Variants in WDR48 observed in about 807,000 individuals in gnomAD.
WDR48 encodes the protein WD repeat-containing protein 48.
In WDR48, 22 loss-of-function variants were observed where a neutral mutation model predicts 94.0. That is an observed-to-expected ratio of 0.23 (90% CI 0.17 to 0.33). The LOEUF (loss-of-function observed/expected upper bound fraction) is 0.33, where lower values mean the gene tolerates loss of function less well. WDR48 is among the 10% of genes least tolerant of loss of function. The pLI is 1.00. For missense variants in WDR48, 541 were observed against 813.8 expected (o/e 0.66, Z 4.08); for synonymous variants, 278 against 280.5 (o/e 0.99, Z 0.09).
chr3:39,090,157 T>G (rs546145364), intron 16 of WDR48: 1 of 152,362 alleles, frequency 6.6e-6, no homozygotes, highest in East Asian at 1.9e-4. Flanking sequence ...TGGATACTTC[T>G]AATCTTTGCT....
At chr3:39,066,172 A>G (rs1262912702) in intron 3 of WDR48, among the ~76,000 whole-genome samples, 1 of 151,816 alleles carries the variant, frequency 6.6e-6, no homozygotes, top group Non-Finnish European at 1.5e-5. Context: ...CTGTATATAG[A>G]CTCGTACTAT....
At chr3:39,078,846 C>T (rs931350953) in intron 10 of WDR48, among the ~76,000 whole-genome samples, 7 of 151,502 alleles carry the variant, frequency 4.6e-5, no homozygotes, top group Non-Finnish European at 8.9e-5. Flanking sequence ...CCGGCTAAAA[C>T]GGTGAAACCC....
In WDR48 at chr3:39,093,857, C is replaced by A; in HGVS notation, c.1746-17C>A. The A allele has an allele frequency of 6.6e-7, 1 of 1,521,650 alleles. No homozygotes were observed. 94.3% of individuals were successfully genotyped at this position (1,521,650 alleles called of 1,614,324 possible). A position where few individuals can be genotyped will look rare whatever the true frequency, so the allele number is the denominator to read the frequency against. ...GTGATTTCCCTGATGTCACAATATG[C>A]CATTGCTTTTTTACAGAGATAGACT... On this transcript the variant is annotated splice_polypyrimidine_tract_variant and intron_variant, in intron 17 of 18. Coordinates refer to ENST00000302313, the MANE Select transcript of WDR48 (RefSeq NM_020839.4).
Position 39,066,628 on chromosome 3 carries a change from A to G in WDR48, c.349A>G (p.Lys117Glu). 6.2e-7 allele frequency: 1 copy of G among 1,613,844 alleles called. No homozygotes were observed. The highest frequency in any genetic ancestry group is 8.5e-7 in the Non-Finnish European group (1 of 1,179,866). The change falls in exon 4 of 19, where the codon AAG becomes GAG. Residue 117 changes from lysine to glutamate, a missense_variant and splice_region_variant. Lys to Glu is a moderately conservative substitution (Grantham distance 56). Around this residue, in one of 5 missense-constraint regions of WDR48, gnomAD observed 104 missense variants for 189.7 expected, o/e 0.55. Transcript: ENST00000302313. Reference sequence around the variant, plus strand: ...TTGCATGTCAACATTAAGGACACATAAGGTAAAACAATACAGTTCTCAGTG... The same window carrying G: ...TTGCATGTCAACATTAAGGACACATGAGGTAAAACAATACAGTTCTCAGTG... ...GFCMSTLRTH[K>E]DYVKALAYAK... is the part of the protein sequence containing the mutation.
intron 1 of WDR48, among the ~76,000 whole-genome samples, chr3:39,057,263 G>A (rs545249600): frequency 5.9e-5 from 9 of 152,302 alleles, no homozygotes; most frequent in African/African-American, 2.2e-4. Context: ...ACAGTAGCAT[G>A]AGTAAATCGA....
chr3:39,077,053 G>A, intron 8 of WDR48, 86 bp from the exon 9 acceptor site: 6 of 1,435,034 alleles, frequency 4.2e-6, no homozygotes, highest in Non-Finnish European at 5.9e-6. Flanking sequence ...GTTGAATGAA[G>A]GAGTTGATAT....
At position 39,087,939 on chromosome 3, in the gene WDR48, G is replaced by A. The variant is rs2125680800; in HGVS notation, c.1475-189G>A. 5.3e-6 allele frequency: 3 copies of A among 566,192 alleles called. No individual in the cohort carries two copies. In the South Asian group the frequency reaches 6.6e-5, roughly 13 times the overall value. The allele number at this position is 566,192 out of a possible 1,614,324, so 35.1% of individuals were successfully genotyped here. A position where few individuals can be genotyped will look rare whatever the true frequency, so the allele number is the denominator to read the frequency against. ...ATACAGTCATTTTTTCCATGAAATA[G>A]ACCACAAGTTGCTGTGTTTCTTATT... is the stretch of plus-strand genomic sequence containing the variant. On this transcript the variant is annotated intron_variant, in intron 14 of 18. Coordinates refer to ENST00000302313, the MANE Select transcript of WDR48 (RefSeq NM_020839.4).
intron 1 of WDR48, among the ~76,000 whole-genome samples, chr3:39,058,710 G>T (rs6769051): frequency 0.51 from 77,156 of 151,910 alleles, 22,877 homozygotes; most frequent in African/African-American, 0.84. Flanking sequence ...GGGGGCACAG[G>T]GGTGGAAGGA....
At chr3:39,089,057 T>C (rs576215672) in intron 15 of WDR48, among the ~76,000 whole-genome samples, 174 bp from the exon 16 acceptor site, 4 of 152,334 alleles carry the variant, frequency 2.6e-5, no homozygotes, top group African/African-American at 9.6e-5. Flanking sequence ...TAGGGCCTGC[T>C]TTCCCTTTTA....
chr3:39,066,730 G>T lies in WDR48; in HGVS notation c.352-16G>T. The T allele has an allele frequency of 6.2e-7, 1 of 1,613,820 alleles. No individual in the cohort carries two copies. The highest frequency in any genetic ancestry group is 8.5e-7 in the Non-Finnish European group (1 of 1,179,818). ...TGATCTACAGAATAGATCATAGTAT[G>T]TCTGTTCTATTACAGGATTACGTAA... is the stretch of plus-strand genomic sequence containing the variant. On this transcript the variant is annotated splice_polypyrimidine_tract_variant and intron_variant, in intron 4 of 18. Transcript: ENST00000302313.
chr3:39,052,203 C>A, intron 1 of WDR48, 130 bp downstream of exon 1: 1 of 1,136,640 alleles, frequency 8.8e-7, no homozygotes, highest in Non-Finnish European at 1.2e-6. Context: ...GCGCGGCCGG[C>A]CACGAGGGGT....
chr3:39,075,012 G>A (rs1294343854), intron 8 of WDR48, 62 bp downstream of exon 8: 2 of 1,498,358 alleles, frequency 1.3e-6, no homozygotes, highest in Non-Finnish European at 1.8e-6. Context: ...TAGCCAAATA[G>A]AGCAAAAGCT....
intron 8 of WDR48, 71 bp downstream of exon 8, chr3:39,075,021 CTA>C: frequency 6.8e-7 from 1 of 1,469,114 alleles, no homozygotes; most frequent in Non-Finnish European, 9.3e-7. Context: ...AGAGCAAAAG[CTA>C]TATTAAAACA....
At position 39,063,045 on chromosome 3, in the gene WDR48, G is replaced by A. The variant is rs369986046; in HGVS notation, c.49-5G>A. The A allele has an allele frequency of 6.2e-6, 10 of 1,613,958 alleles. No individual in the cohort carries two copies. In the Admixed American group the frequency reaches 6.7e-5, roughly 11 times the overall value. On this transcript the variant is annotated splice_region_variant and splice_polypyrimidine_tract_variant and intron_variant, in intron 1 of 18. Transcript: ENST00000302313. ...ATAAAAAGCATATGTTGACACATTT[G>A]TCAGGTTTCCTATGTTATTCGAGAT...
intron 15 of WDR48, among the ~76,000 whole-genome samples, chr3:39,088,900 T>C (rs7652744): frequency 0.098 from 14,958 of 152,172 alleles, 2,362 homozygotes; most frequent in African/African-American, 0.33. Context: ...ACTTCCACTG[T>C]GTGTGAAAGT....
intron 11 of WDR48, among the ~76,000 whole-genome samples, chr3:39,082,355 C>T (rs2034580368): frequency 6.6e-6 from 1 of 151,714 alleles, no homozygotes; most frequent in East Asian, 1.9e-4. Context: ...AACCTCAGCT[C>T]ACTGCAACCT....
Position 39,078,129 on chromosome 3 carries a change from A to T in WDR48, c.973-8A>T, listed in dbSNP as rs1405963092. Reference sequence around the variant, plus strand: ...AACATGATCAAATAACAAATTTTGTAATTTTAGACTTTGAAAGGAATTCAT... The same window carrying T: ...AACATGATCAAATAACAAATTTTGTTATTTTAGACTTTGAAAGGAATTCAT... On this transcript the variant is annotated splice_region_variant and splice_polypyrimidine_tract_variant and intron_variant, in intron 9 of 18. Transcript: ENST00000302313. The T allele has an allele frequency of 1.3e-6, 2 of 1,592,294 alleles. No individual in the cohort carries two copies. The highest frequency in any genetic ancestry group is 1.4e-5 in the African/African-American group (1 of 73,944).
chr3:39,060,785 G>T (rs993695819), intron 1 of WDR48, among the ~76,000 whole-genome samples: 8 of 152,088 alleles, frequency 5.3e-5, no homozygotes, highest in Admixed American at 3.3e-4. Flanking sequence ...GGCCAACATG[G>T]TGAAACCACC....
At chr3:39,069,277 C>T (rs535495283) in intron 6 of WDR48, among the ~76,000 whole-genome samples, 38 of 152,198 alleles carry the variant, frequency 2.5e-4, no homozygotes, top group South Asian at 4.2e-4. Flanking sequence ...GTGCCCCAAT[C>T]GGGGGAGCTT....
Sources: gnomAD v4.1 joint callset for allele counts (sites outside exome capture counted in the v4.1 genomes callset) on GRCh38, gnomAD v4.1.1 for gene constraint, gnomAD v4.1.1 regional missense constraint, MANE v1.5 for transcripts, NCBI Gene and HGNC (gene_info 2026-07-23, HGNC 2026-07-21) for gene names.